ADORA2B: variants seen among roughly 807,000 people sequenced by gnomAD.
ADORA2B encodes adenosine receptor A2b.
In ADORA2B, 18 loss-of-function variants were observed where a neutral mutation model predicts 20.8. The ratio of observed to expected loss-of-function variants is 0.87; its 90% CI spans 0.60 to 1.29. The LOEUF (loss-of-function observed/expected upper bound fraction) is 1.29, where lower values mean the gene tolerates loss of function less well. Among genes scored for constraint, ADORA2B ranks in the 50% most tolerant of loss-of-function variants. The probability of loss-of-function intolerance (pLI) is 0.00; values close to 1 mark genes in which losing one functional copy is unlikely to be tolerated. For synonymous variants in ADORA2B, 179 were observed against 178.3 expected (o/e 1.00, Z -0.03); for missense variants, 441 against 422.7 (o/e 1.04, Z -0.38).
At chr17:15,880,078 C>T in the ADORA2B span, among the ~76,000 whole-genome samples, 1 of 145,504 alleles carries the variant, frequency 6.9e-6, no homozygotes, top group East Asian at 2.0e-4. Context: ...TAGGCCTCCT[C>T]CTGTTCTCGG....
At chr17:15,919,822 C>T in the ADORA2B span, among the ~76,000 whole-genome samples, 96 of 152,242 alleles carry the variant, frequency 6.3e-4, no homozygotes, top group Admixed American at 2.0e-3. Flanking sequence ...GGAAAAGACC[C>T]ACTTTCTCCA....
the ADORA2B span, among the ~76,000 whole-genome samples, chr17:15,938,973 G>A: frequency 1.3e-5 from 2 of 152,136 alleles, no homozygotes; most frequent in Non-Finnish European, 2.9e-5. Flanking sequence ...ATCTCCGAAT[G>A]TATATCAAAT....
chr17:15,882,604 T>C, the ADORA2B span, among the ~76,000 whole-genome samples: 1 of 152,188 alleles, frequency 6.6e-6, no homozygotes, highest in African/African-American at 2.4e-5. Context: ...GTTCTTACCA[T>C]GAGTTAGCCT....
the ADORA2B span, among the ~76,000 whole-genome samples, chr17:15,868,383 G>A: frequency 6.6e-5 from 9 of 137,282 alleles, no homozygotes; most frequent in African/African-American, 2.4e-4. Flanking sequence ...AAAAAAAAAT[G>A]TCTTCTTTTG....
At chr17:15,927,173 C>A in the ADORA2B span, among the ~76,000 whole-genome samples, 5 of 151,184 alleles carry the variant, frequency 3.3e-5, no homozygotes, top group Non-Finnish European at 7.4e-5. Context: ...ATTGTGAAAC[C>A]CCATCTCTAC....
chr17:15,911,307 T>C, the ADORA2B span, among the ~76,000 whole-genome samples: 1 of 152,248 alleles, frequency 6.6e-6, no homozygotes, highest in Non-Finnish European at 1.5e-5. Flanking sequence ...CTTTGCCTGC[T>C]ATTAAAGTGG....
At chr17:15,877,320 C>G in the ADORA2B span, among the ~76,000 whole-genome samples, 2 of 152,112 alleles carry the variant, frequency 1.3e-5, no homozygotes, top group Admixed American at 1.3e-4. Flanking sequence ...TATCTTTATG[C>G]TTGAGGTTTG....
chr17:15,969,815 C>T (rs1269187232), intron 1 of ADORA2B, among the ~76,000 whole-genome samples: 1 of 152,248 alleles, frequency 6.6e-6, no homozygotes, highest in African/African-American at 2.4e-5. Context: ...AATTCAGTCT[C>T]CGTACTCTGG....
chr17:15,955,105 C>G (rs1265146695), intron 1 of ADORA2B, among the ~76,000 whole-genome samples: 1 of 152,038 alleles, frequency 6.6e-6, no homozygotes, highest in Non-Finnish European at 1.5e-5. Flanking sequence ...TACAGTTGAC[C>G]CTTGAACAAC....
chr17:15,890,726 C>T, the ADORA2B span, among the ~76,000 whole-genome samples: 13 of 152,126 alleles, frequency 8.5e-5, no homozygotes, highest in African/African-American at 2.9e-4. Context: ...TCCCAGTGCA[C>T]GGAGCTGGCC....
chr17:15,890,973 T>C, the ADORA2B span, among the ~76,000 whole-genome samples: 2 of 152,144 alleles, frequency 1.3e-5, no homozygotes, highest in South Asian at 4.1e-4. Flanking sequence ...GGTACTAAAA[T>C]TGGATATCTG....
the ADORA2B span, among the ~76,000 whole-genome samples, chr17:15,920,972 T>C: frequency 1.0e-3 from 153 of 152,340 alleles, no homozygotes; most frequent in Middle Eastern, 3.4e-3. Flanking sequence ...AAAAATTCTC[T>C]CGCTCTGGAA....
At chr17:15,972,211 T>C (rs1170866698) in intron 1 of ADORA2B, among the ~76,000 whole-genome samples, 4 of 152,052 alleles carry the variant, frequency 2.6e-5, no homozygotes, top group East Asian at 1.9e-4. Context: ...GAGGGAGCCA[T>C]TGGTTAAGAA....
At chr17:15,953,313 A>G (rs1969929025) in intron 1 of ADORA2B, among the ~76,000 whole-genome samples, 1 of 152,180 alleles carries the variant, frequency 6.6e-6, no homozygotes, top group Non-Finnish European at 1.5e-5. Flanking sequence ...AGTCGCATTT[A>G]TTATCTTCTA....
chr17:15,864,804 T>G, the ADORA2B span, among the ~76,000 whole-genome samples: 1 of 152,194 alleles, frequency 6.6e-6, no homozygotes, highest in Non-Finnish European at 1.5e-5. Flanking sequence ...CTAAGGCCAG[T>G]TCCTGTAATC....
At chr17:15,897,603 AACCAGT>A in the ADORA2B span, among the ~76,000 whole-genome samples, 1 of 152,244 alleles carries the variant, frequency 6.6e-6, no homozygotes, top group East Asian at 1.9e-4. Context: ...ACTTTCTGCT[AACCAGT>A]AATAATAAGA....
At chr17:15,974,598 G>GA (rs1970224755) in intron 1 of ADORA2B, 81 bp from the exon 2 acceptor site, 4 of 1,306,614 alleles carry the variant, frequency 3.1e-6, no homozygotes, top group African/African-American at 1.5e-5. Context: ...AAGGGTCATG[G>GA]AAAAAAGAGG....
the ADORA2B span, among the ~76,000 whole-genome samples, chr17:15,930,598 G>A: frequency 6.6e-6 from 1 of 152,132 alleles, no homozygotes; most frequent in African/African-American, 2.4e-5. Flanking sequence ...GCCTGGCCAG[G>A]AAGAACGTTC....
the ADORA2B span, among the ~76,000 whole-genome samples, chr17:15,869,183 G>T: frequency 6.6e-6 from 1 of 151,170 alleles, no homozygotes; most frequent in Non-Finnish European, 1.5e-5. Flanking sequence ...AGCCAGGCGT[G>T]GTGACGCACA....
Sources: gnomAD v4.1 joint callset for allele counts (sites outside exome capture counted in the v4.1 genomes callset) on GRCh38, gnomAD v4.1.1 for gene constraint, MANE v1.5 for transcripts, NCBI Gene and HGNC (gene_info 2026-07-23, HGNC 2026-07-21) for gene names.